The following CAMTA1 variants were observed in gnomAD, a reference collection of about 807,000 sequenced individuals.
CAMTA1 encodes calmodulin-binding transcription activator 1.
A neutral mutation model predicts 170.9 loss-of-function variants in CAMTA1; 27 were observed. The ratio of observed to expected loss-of-function variants is 0.16; its 90% CI spans 0.12 to 0.22. CAMTA1 has a LOEUF of 0.22. Ranked by LOEUF, CAMTA1 falls within the 10% of genes least tolerant of loss-of-function variation. The pLI, the probability that CAMTA1 is intolerant of heterozygous loss-of-function variation, is 1.00. For synonymous variants in CAMTA1, 833 were observed against 891.5 expected (o/e 0.93, Z 1.17); for missense variants, 1,619 against 2,217.2 (o/e 0.73, Z 5.42).
chr1:7,281,940 C>T (rs555353474), intron 5 of CAMTA1, among the ~76,000 whole-genome samples: 8 of 152,094 alleles, frequency 5.3e-5, no homozygotes, highest in South Asian at 4.2e-4. Context: ...CATGTTCCTC[C>T]GCTTCTTGGA....
intron 4 of CAMTA1, among the ~76,000 whole-genome samples, chr1:7,104,979 T>A (rs920883970): frequency 6.6e-6 from 1 of 152,220 alleles, no homozygotes; most frequent in African/African-American, 2.4e-5. Context: ...CTGCTCCTTC[T>A]AGAAAAATTC....
chr1:7,766,739 C>CA lies in CAMTA1; in HGVS notation c.*250dup. The CA allele has an allele frequency of 2.0e-6, 1 of 499,622 alleles. No homozygotes were observed. Among genetic ancestry groups the CA allele is most frequent in the South Asian group, 3.1e-5 (1 of 32,080 alleles). 30.9% of individuals were successfully genotyped at this position (499,622 alleles called of 1,614,324 possible). A position where few individuals can be genotyped will look rare whatever the true frequency, so the allele number is the denominator to read the frequency against. On this transcript the variant is annotated 3_prime_UTR_variant, in exon 23 of 23. Coordinates refer to ENST00000303635, the MANE Select transcript of CAMTA1 (RefSeq NM_015215.4). ...TTGATCAGCAAGACATCTTGGAACTCAATCTTCTGTTGGATCACGGGAAAT... is the reference window on the plus strand; with the variant it reads ...TTGATCAGCAAGACATCTTGGAACTCAAATCTTCTGTTGGATCACGGGAAAT...
At position 7,685,015 on chromosome 1, in the gene CAMTA1, A is replaced by G. The variant is rs2096246276; in HGVS notation, c.2914+7282A>G. 6.6e-6 allele frequency among the ~76,000 whole-genome samples: 1 copy of G among 152,132 alleles called. No homozygotes were observed. Among genetic ancestry groups the G allele is most frequent in the Non-Finnish European group, 1.5e-5 (1 of 68,020 alleles). ...GACTCCGCGGTGTCGGGGAGTTCAC[A>G]GGCACCGTCCCGCGGTCACAGGTGG... is the stretch of plus-strand genomic sequence containing the variant. On this transcript the variant is annotated intron_variant, in intron 11 of 22. Transcript: ENST00000303635. The surrounding 1 kb of genome is among the most constrained non-coding windows in gnomAD (Gnocchi z 5.7).
At chr1:7,731,768 T>A (rs2096735378) in intron 11 of CAMTA1, among the ~76,000 whole-genome samples, 1 of 151,862 alleles carries the variant, frequency 6.6e-6, no homozygotes, top group Non-Finnish European at 1.5e-5. Flanking sequence ...TTCCATCTGC[T>A]CGGGAGGCTG....
At chr1:7,589,230 C>A (rs752114193) in intron 6 of CAMTA1, among the ~76,000 whole-genome samples, 1 of 152,200 alleles carries the variant, frequency 6.6e-6, no homozygotes, top group Non-Finnish European at 1.5e-5. Flanking sequence ...GGGCACTGGG[C>A]TGGGCATTGT....
At chr1:6,818,484 C>G (rs931462709) in intron 1 of CAMTA1, among the ~76,000 whole-genome samples, 9 of 152,150 alleles carry the variant, frequency 5.9e-5, no homozygotes, top group Admixed American at 3.3e-4. Flanking sequence ...GAATTGAAAG[C>G]ACTTGGGTAT....
rs17030841 is a variant in CAMTA1, at chr1:7,439,604, G to A, written c.439-28226G>A. Reference sequence around the variant, plus strand: ...GTTAACAGGCTCAAGCCTGCGCATGGTACGGCCACCGTCCTACATAGGTCC... The same window carrying A: ...GTTAACAGGCTCAAGCCTGCGCATGATACGGCCACCGTCCTACATAGGTCC... On this transcript the variant is annotated intron_variant, in intron 5 of 22. Coordinates refer to ENST00000303635, the MANE Select transcript of CAMTA1 (RefSeq NM_015215.4). 3.5e-3 allele frequency among the ~76,000 whole-genome samples: 531 copies of A among 152,324 alleles called. 7 individuals are homozygous for A. Among genetic ancestry groups the A allele is most frequent in the African/African-American group, 0.012 (510 of 41,586 alleles).
intron 3 of CAMTA1, chr1:6,853,200 A>G (rs1354343602): frequency 1.3e-5 from 2 of 152,242 alleles, no homozygotes; most frequent in Non-Finnish European, 1.5e-5. Context: ...GTAAATGTAA[A>G]TGAACACTGT....
intron 4 of CAMTA1, among the ~76,000 whole-genome samples, chr1:7,208,087 C>T (rs535642522): frequency 1.3e-5 from 2 of 152,352 alleles, no homozygotes; most frequent in Non-Finnish European, 1.5e-5. Flanking sequence ...CAACAGCACA[C>T]CCTCCAGGCA....
chr1:7,159,246 T>C (rs543379897), intron 4 of CAMTA1, among the ~76,000 whole-genome samples: 1 of 152,210 alleles, frequency 6.6e-6, no homozygotes, highest in South Asian at 2.1e-4. Flanking sequence ...ATTGCAAAAC[T>C]TCAAAGTGAT....
chr1:7,625,567 C>T (rs1327584932), intron 6 of CAMTA1, among the ~76,000 whole-genome samples: 1 of 152,274 alleles, frequency 6.6e-6, no homozygotes, highest in African/African-American at 2.4e-5. Context: ...GCCCACCCCA[C>T]CGTTGTCTTC....
rs77085517 is a variant in CAMTA1 at position 6,954,126 on chromosome 1, T to C, written c.234+128916T>C. Among the ~76,000 whole-genome samples, 969 of 152,358 alleles carry C rather than the reference T, an allele frequency of 6.4e-3. 10 individuals are homozygous for C. Among genetic ancestry groups the C allele is most frequent in the African/African-American group, 0.022 (904 of 41,584 alleles). On this transcript the variant is annotated intron_variant, in intron 3 of 22. Coordinates refer to ENST00000303635, the MANE Select transcript of CAMTA1 (RefSeq NM_015215.4). ...CTCACCATTTCATGAAAAGCTTGTGTTGCTTTTGCCAGCCAGCCAGCCAGC... is the reference window on the plus strand; with the variant it reads ...CTCACCATTTCATGAAAAGCTTGTGCTGCTTTTGCCAGCCAGCCAGCCAGC...
chr1:6,946,304 C>T (rs1687572334), intron 3 of CAMTA1, among the ~76,000 whole-genome samples: 1 of 151,882 alleles, frequency 6.6e-6, no homozygotes, highest in South Asian at 2.1e-4. Flanking sequence ...CGATCCTCCT[C>T]CCTAAGCCTC....
In CAMTA1 at chr1:7,736,552, G is replaced by C; in HGVS notation, c.3263+12G>C. On this transcript the variant is annotated intron_variant, in intron 13 of 22. Transcript: ENST00000303635. This position sits in a 1 kb window ranked among gnomAD's most constrained non-coding sequence, Gnocchi z 4.5. ...CTCATCAAATGGCGGTAAGGCTGTG[G>C]TGCAGCTGGCTGGGGGTCAGCCTCG... The C allele has an allele frequency of 6.2e-7, 1 of 1,612,828 alleles. No individual in the cohort carries two copies. The highest frequency in any genetic ancestry group is 8.5e-7 in the Non-Finnish European group (1 of 1,178,938).
chr1:7,259,550 C>T (rs1667877000), intron 5 of CAMTA1, among the ~76,000 whole-genome samples: 1 of 152,188 alleles, frequency 6.6e-6, no homozygotes, highest in African/African-American at 2.4e-5. Context: ...CTGTTGTTGC[C>T]AGTAGGGTCC....
chr1:7,084,927 A>G (rs1241883234), intron 3 of CAMTA1, among the ~76,000 whole-genome samples: 1 of 152,240 alleles, frequency 6.6e-6, no homozygotes, highest in East Asian at 1.9e-4. Flanking sequence ...AAAGTATAAA[A>G]TATTATTAAA....
Position 7,050,279 on chromosome 1 carries a change from C to T in CAMTA1, c.235-41025C>T, listed in dbSNP as rs1300318340. 6.6e-6 allele frequency among the ~76,000 whole-genome samples: 1 copy of T among 152,100 alleles called. No homozygotes were observed. Among genetic ancestry groups the T allele is most frequent in the African/African-American group, 2.4e-5 (1 of 41,410 alleles). On this transcript the variant is annotated intron_variant, in intron 3 of 22. Coordinates refer to ENST00000303635, the MANE Select transcript of CAMTA1 (RefSeq NM_015215.4). This position sits in a 1 kb window ranked among gnomAD's most constrained non-coding sequence, Gnocchi z 4.8. ...ACCACAGCCTCCTTGTCTTGCCTTC[C>T]TGGGGAGATGGGGCAGGAAGAGAGT...
rs34282545 is a variant in CAMTA1 at position 7,033,588 on chromosome 1, CTTTTTTTT to C, written c.235-57701_235-57694del. 1.0e-3 allele frequency among the ~76,000 whole-genome samples: 99 copies of C among 95,132 alleles called. 1 individual carries two copies. Among genetic ancestry groups the C allele is most frequent in the Middle Eastern group, 0.01 (1 of 96 alleles). 62.4% of individuals were successfully genotyped at this position (95,132 alleles called of 152,430 possible). On this transcript the variant is annotated intron_variant, in intron 3 of 22. Coordinates refer to ENST00000303635, the MANE Select transcript of CAMTA1 (RefSeq NM_015215.4). Reference sequence around the variant, plus strand: ...GTACATGTTTATTCTTGTAAATATTCTTTTTTTTTTTTTTTTTTTTTTGATACAGAGTC... The same window carrying C: ...GTACATGTTTATTCTTGTAAATATTCTTTTTTTTTTTTTTGATACAGAGTC...
chr1:7,119,728 A>T (rs1014101018), intron 4 of CAMTA1, among the ~76,000 whole-genome samples: 14 of 152,216 alleles, frequency 9.2e-5, no homozygotes, highest in African/African-American at 3.4e-4. Context: ...ATATAACAAT[A>T]CAACAGTAAC....
Sources: allele counts gnomAD v4.1 joint callset (sites outside exome capture counted in the v4.1 genomes callset), GRCh38; gene constraint gnomAD v4.1.1; non-coding constraint Gnocchi (gnomAD v3.1); transcripts MANE v1.5; gene names NCBI Gene and HGNC (gene_info 2026-07-23, HGNC 2026-07-21).